The following ANKS1A variants were observed in gnomAD, a reference collection of about 807,000 sequenced individuals.
ANKS1A encodes the protein ankyrin repeat and SAM domain-containing protein 1A.
Under a neutral mutation model 120.3 loss-of-function variants are expected in ANKS1A, and 55 were observed. The observed-to-expected ratio is 0.46, with a 90% CI of 0.37 to 0.57. ANKS1A has a LOEUF of 0.57. Among genes scored for constraint, ANKS1A ranks in the 20% least tolerant of loss-of-function variants. The pLI is 0.00. For missense variants in ANKS1A, 1,123 were observed against 1,480.3 expected (o/e 0.76, Z 3.96); for synonymous variants, 590 against 604.7 (o/e 0.98, Z 0.36).
rs775392334 is a variant in ANKS1A, at chr6:35,017,874, C to G, written c.1825C>G (p.Pro609Ala). ...GAGTGGGGCCAGGAGCCGAGCGCCTCCCACTAGCAAACCCAAAGCTGAACT... is the reference window on the plus strand; with the variant it reads ...GAGTGGGGCCAGGAGCCGAGCGCCTGCCACTAGCAAACCCAAAGCTGAACT... Reference protein sequence around the residue: ...DRSGARSRAPPTSKPKAELKL... With the variant: ...DRSGARSRAPATSKPKAELKL... The change falls in exon 11 of 24, where the codon CCC becomes GCC. Residue 609 changes from proline (P) to alanine (A), a missense_variant. Around this residue, in one of 3 missense-constraint regions of ANKS1A, gnomAD observed 904 missense variants for 1,130.4 expected, o/e 0.80. Transcript: ENST00000360359. 9 of 1,614,098 alleles carry G rather than the reference C, an allele frequency of 5.6e-6. No individual in the cohort carries two copies. Among genetic ancestry groups the G allele is most frequent in the African/African-American group, 2.7e-5 (2 of 74,938 alleles).
chr6:35,052,158 G>T (rs903011053), intron 11 of ANKS1A, among the ~76,000 whole-genome samples: 5 of 151,974 alleles, frequency 3.3e-5, no homozygotes, highest in Non-Finnish European at 7.4e-5. Context: ...CTACAAAAAA[G>T]AAAAAATAGC....
intron 13 of ANKS1A, among the ~76,000 whole-genome samples, chr6:35,072,797 C>A (rs1318912105): frequency 6.6e-6 from 1 of 152,242 alleles, no homozygotes. Context: ...AGGGAGGCAG[C>A]ATTGGCTCTC....
rs1343728614 is a variant in ANKS1A at position 35,058,304 on chromosome 6, G to A, written c.2078-1843G>A. On this transcript the variant is annotated intron_variant, in intron 12 of 23. Coordinates refer to ENST00000360359, the MANE Select transcript of ANKS1A (RefSeq NM_015245.3). The surrounding 1 kb of genome is among the most constrained non-coding windows in gnomAD (Gnocchi z 5.1). ...TCAGCGCGCACATCCACCGGCAGCA[G>A]GCAGGACCACAGCTGCCCGGCTGGG... 32 of 152,256 alleles carry A rather than the reference G, an allele frequency of 2.1e-4. No individual in the cohort carries two copies. The highest frequency in any genetic ancestry group is 2.1e-3 in the Admixed American group (32 of 15,280). 9.4% of individuals were successfully genotyped at this position (152,256 alleles called of 1,614,324 possible).
chr6:34,929,291 C>T (rs1362016118), intron 1 of ANKS1A, among the ~76,000 whole-genome samples: 1 of 152,034 alleles, frequency 6.6e-6, no homozygotes, highest in Admixed American at 6.5e-5. Flanking sequence ...GTACTTTTGA[C>T]TCTTATAAGC....
In ANKS1A at chr6:34,998,633, C is replaced by T. The variant is rs146278764; in HGVS notation, c.1423+4211C>T. ...CCACCGTTGCATGCAGCCCCTGTCACGTACCCCCTGCTTGCTCAATCGATC... is the reference window on the plus strand; with the variant it reads ...CCACCGTTGCATGCAGCCCCTGTCATGTACCCCCTGCTTGCTCAATCGATC... On this transcript the variant is annotated intron_variant, in intron 10 of 23. Coordinates refer to ENST00000360359, the MANE Select transcript of ANKS1A (RefSeq NM_015245.3). Among the ~76,000 whole-genome samples, 883 of 152,300 alleles carry T rather than the reference C, an allele frequency of 5.8e-3. 8 individuals carry two copies. The highest frequency in any genetic ancestry group is 0.01 in the Non-Finnish European group (681 of 68,028).
At position 35,086,208 on chromosome 6, in the gene ANKS1A, G is replaced by A; in HGVS notation, c.3303+272G>A. 1 of 1,343,654 alleles carries A rather than the reference G, an allele frequency of 7.4e-7. No individual in the cohort carries two copies. 83.2% of individuals were successfully genotyped at this position (1,343,654 alleles called of 1,614,324 possible). On this transcript the variant is annotated intron_variant, in intron 22 of 23. Coordinates refer to ENST00000360359, the MANE Select transcript of ANKS1A (RefSeq NM_015245.3). This position sits in a 1 kb window ranked among gnomAD's most constrained non-coding sequence, Gnocchi z 5.1. ...GTCAAGGGGCTGCAGAGAGCGGCCT[G>A]CAGGCAGCCCCCAGTAACTGCGCCA... is the stretch of plus-strand genomic sequence containing the variant.
At position 35,084,021 on chromosome 6, in the gene ANKS1A, G is replaced by C; in HGVS notation, c.2995-100G>C. The C allele has an allele frequency of 2.6e-6, 4 of 1,539,864 alleles. No homozygotes were observed. Among genetic ancestry groups the C allele is most frequent in the Non-Finnish European group, 3.5e-6 (4 of 1,131,036 alleles). On this transcript the variant is annotated intron_variant, in intron 20 of 23. Transcript: ENST00000360359. The surrounding 1 kb of genome is among the most constrained non-coding windows in gnomAD (Gnocchi z 4.8). Reference sequence around the variant, plus strand: ...GAAGGGGGGTTTGCTTGATGCTCTAGGCTGGGACAGAGAACAGTGACAATG... The same window carrying C: ...GAAGGGGGGTTTGCTTGATGCTCTACGCTGGGACAGAGAACAGTGACAATG...
At chr6:35,024,801 C>T (rs1774528450) in intron 11 of ANKS1A, among the ~76,000 whole-genome samples, 1 of 152,214 alleles carries the variant, frequency 6.6e-6, no homozygotes, top group Admixed American at 6.5e-5. Context: ...TCCATAGAGG[C>T]TTTGGCTGCT....
intron 23 of ANKS1A, among the ~76,000 whole-genome samples, chr6:35,087,942 T>C (rs555823149): frequency 6.6e-6 from 1 of 152,320 alleles, no homozygotes; most frequent in South Asian, 2.1e-4. Context: ...TCTAGCTCAC[T>C]GAGGAGGAAG....
rs1322662296 is a variant in ANKS1A, at chr6:35,079,892, G to C, written c.2508G>C (p.Glu836Asp). The C allele has an allele frequency of 6.4e-7, 1 of 1,560,964 alleles. No individual in the cohort carries two copies. Among genetic ancestry groups the C allele is most frequent in the African/African-American group, 1.4e-5 (1 of 73,580 alleles). The change falls in exon 16 of 24, where the codon GAG becomes GAC. Residue 836 changes from glutamate (E) to aspartate (D), a missense_variant. Glu to Asp is a conservative substitution (Grantham distance 45). Transcript: ENST00000360359. ...CCCTCGCAGACAGACCGTACGAGGA[G>C]CCGCCCCAGAAGCCCCCCAGATTCT... ...IASLADRPYE[E>D]PPQKPPRFSQ... is the part of the protein sequence containing the mutation.
chr6:34,975,746 CCT>C (rs1771538622), intron 3 of ANKS1A, among the ~76,000 whole-genome samples: 1 of 149,802 alleles, frequency 6.7e-6, no homozygotes, highest in Non-Finnish European at 1.5e-5. Context: ...AGAGTGAGAC[CCT>C]GTCTCAAAAA....
Position 34,994,427 on chromosome 6 carries a change from G to A in ANKS1A, c.1423+5G>A, listed in dbSNP as rs776289637. Reference sequence around the variant, plus strand: ...TGGTGGATGGAAAAACAAAAGGTACGTTCCCCACAACTCCTGGCAGAACCA... The same window carrying A: ...TGGTGGATGGAAAAACAAAAGGTACATTCCCCACAACTCCTGGCAGAACCA... On this transcript the variant is annotated splice_donor_5th_base_variant and intron_variant, in intron 10 of 23. Coordinates refer to ENST00000360359, the MANE Select transcript of ANKS1A (RefSeq NM_015245.3). The A allele has an allele frequency of 1.4e-5, 23 of 1,610,234 alleles. No homozygotes were observed. In the East Asian group the frequency reaches 3.1e-4, roughly 22 times the overall value.
chr6:35,091,406 A>G lies in ANKS1A; in HGVS notation c.*2797A>G. 1 of 985,502 alleles carries G rather than the reference A, an allele frequency of 1.0e-6. No homozygotes were observed. The highest frequency in any genetic ancestry group is 1.2e-6 in the Non-Finnish European group (1 of 829,952). The allele number at this position is 985,502 out of a possible 1,614,324, so 61.0% of individuals were successfully genotyped here. On this transcript the variant is annotated 3_prime_UTR_variant, in exon 24 of 24. Transcript: ENST00000360359. ...AATAAATGAGAAGCGACATGAACGCAGCCTTAATTCTTCTGAGTCTTTGAA... is the reference window on the plus strand; with the variant it reads ...AATAAATGAGAAGCGACATGAACGCGGCCTTAATTCTTCTGAGTCTTTGAA...
intron 11 of ANKS1A, among the ~76,000 whole-genome samples, chr6:35,022,319 A>G (rs868081925): frequency 6.6e-6 from 1 of 152,318 alleles, no homozygotes. Context: ...GGTTGAGATG[A>G]TGTTCTCCAG....
rs570768007 is a variant in ANKS1A, at chr6:35,017,497, G to A, written c.1448G>A (p.Arg483Gln). The A allele has an allele frequency of 1.4e-5, 23 of 1,608,528 alleles. No individual in the cohort carries two copies. The African/African-American group carries it at 2.5e-4, about 18-fold the overall frequency. The stretch of plus-strand genomic sequence containing the variant: ...GACCACAGGCGGAGCAGCAGCAGCC[G>A]GAGCCAGGACTCTGCGGAGGGGCAG... ...TKDHRRSSSS[R>Q]SQDSAEGQDG... The change falls in exon 11 of 24, where the codon CGG becomes CAG. Residue 483 changes from arginine (R) to glutamine (Q), a missense_variant. Physicochemically the swap from Arg to Gln is conservative, Grantham distance 43. Transcript: ENST00000360359.
At chr6:35,075,500 C>T (rs982357902) in intron 13 of ANKS1A, among the ~76,000 whole-genome samples, 1 of 150,108 alleles carries the variant, frequency 6.7e-6, no homozygotes, top group Non-Finnish European at 1.5e-5. Flanking sequence ...ACTGCAACCT[C>T]CGCCTCCTGG....
chr6:34,985,327 G>T, intron 8 of ANKS1A, 49 bp downstream of exon 8: 1 of 1,571,658 alleles, frequency 6.4e-7, no homozygotes, highest in Non-Finnish European at 8.7e-7. Context: ...TGGCTGGCTG[G>T]CCCCTGAGGT....
At chr6:35,051,210 A>G (rs1775946139) in intron 11 of ANKS1A, among the ~76,000 whole-genome samples, 1 of 152,122 alleles carries the variant, frequency 6.6e-6, no homozygotes, top group Non-Finnish European at 1.5e-5. Context: ...AAAAAAAAGA[A>G]AAGAAAAGAA....
intron 1 of ANKS1A, among the ~76,000 whole-genome samples, chr6:34,890,772 C>T (rs1766778840): frequency 6.6e-6 from 1 of 152,062 alleles, no homozygotes; most frequent in South Asian, 2.1e-4. Flanking sequence ...CTTCCTTGTT[C>T]TTTTGAGGTT....
Sources: allele counts gnomAD v4.1 joint callset (sites outside exome capture counted in the v4.1 genomes callset), GRCh38; gene constraint gnomAD v4.1.1; regional missense constraint gnomAD v4.1.1; non-coding constraint Gnocchi (gnomAD v3.1); transcripts MANE v1.5; gene names NCBI Gene and HGNC (gene_info 2026-07-23, HGNC 2026-07-21).